SLC35F1: variants seen among roughly 807,000 people sequenced by gnomAD.
SLC35F1 encodes the protein chromosome 6 open reading frame 169.
SLC35F1 carries 14 observed loss-of-function variants against 48.7 expected under a neutral mutation model. The observed-to-expected ratio is 0.29, with a 90% CI of 0.19 to 0.45. The LOEUF (loss-of-function observed/expected upper bound fraction) is 0.45. Among genes scored for constraint, SLC35F1 ranks in the 20% least tolerant of loss-of-function variants. The pLI is 1.00. For synonymous variants in SLC35F1, 190 were observed against 202.2 expected, an observed-to-expected ratio of 0.94 and a Z score of 0.51; for missense variants, 404 against 500.0, an observed-to-expected ratio of 0.81 and a Z score of 1.83.
chr6:117,992,640 A>G (rs1260547215), intron 1 of SLC35F1, among the ~76,000 whole-genome samples: 1 of 152,234 alleles, frequency 6.6e-6, no homozygotes, highest in Non-Finnish European at 1.5e-5. Flanking sequence ...GACATTAGAA[A>G]TACTTCCTAT....
In SLC35F1 at chr6:118,193,017, A is replaced by G. The variant is rs546284728; in HGVS notation, c.349+38397A>G. On this transcript the variant is annotated intron_variant, in intron 2 of 7. Coordinates refer to ENST00000360388, the MANE Select transcript of SLC35F1 (RefSeq NM_001029858.4). ...AAAAGGCAAAAACCTTTACTCATTG[A>G]TGGAGGGAAGACTTAGCTTTCCAAA... Among the ~76,000 whole-genome samples the G allele has an allele frequency of 2.8e-4, 43 of 152,302 alleles. No individual in the cohort carries two copies. The South Asian group carries it at 8.1e-3, about 29-fold the overall frequency.
chr6:118,095,186 A>G (rs1404425406), intron 1 of SLC35F1, among the ~76,000 whole-genome samples: 1 of 152,238 alleles, frequency 6.6e-6, no homozygotes, highest in East Asian at 1.9e-4. Flanking sequence ...GACAAAGGTC[A>G]TGGCTACACT....
chr6:118,000,588 G>T (rs1031898612), intron 1 of SLC35F1, among the ~76,000 whole-genome samples: 3 of 152,184 alleles, frequency 2.0e-5, no homozygotes, highest in Non-Finnish European at 4.4e-5. Context: ...AGTGTTGGAA[G>T]TTCTGTCCAG....
rs113954917 is a variant in SLC35F1, at chr6:118,231,813, C to T, written c.350-3696C>T. ...GAGATGTGGCTGGTGCGCTCTGAGT[C>T]TGGCAATTCTGTGTTCACTGTGTAA... On this transcript the variant is annotated intron_variant, in intron 2 of 7. Coordinates refer to ENST00000360388, the MANE Select transcript of SLC35F1 (RefSeq NM_001029858.4). Among the ~76,000 whole-genome samples, 1,416 of 152,268 alleles carry T rather than the reference C, an allele frequency of 9.3e-3. 19 individuals are homozygous for T. Among genetic ancestry groups the T allele is most frequent in the African/African-American group, 0.032 (1,344 of 41,536 alleles).
At chr6:118,073,628 C>T (rs145115271) in intron 1 of SLC35F1, among the ~76,000 whole-genome samples, 18 of 152,236 alleles carry the variant, frequency 1.2e-4, no homozygotes, top group African/African-American at 4.3e-4. Context: ...ATTTAGTTAT[C>T]TAACCCAAAA....
intron 1 of SLC35F1, among the ~76,000 whole-genome samples, chr6:118,030,118 A>C (rs1772023553): frequency 6.6e-6 from 1 of 152,228 alleles, no homozygotes. Context: ...GCGAGGAAGC[A>C]AACAATGCTT....
At chr6:118,212,490 G>T (rs775267780) in intron 2 of SLC35F1, among the ~76,000 whole-genome samples, 3 of 152,018 alleles carry the variant, frequency 2.0e-5, no homozygotes, top group African/African-American at 4.8e-5. Context: ...AGGACTTGAA[G>T]ACCACCCTGG....
intron 2 of SLC35F1, among the ~76,000 whole-genome samples, chr6:118,198,815 C>T (rs1264261602): frequency 1.3e-5 from 2 of 152,202 alleles, no homozygotes; most frequent in Non-Finnish European, 2.9e-5. Context: ...CAGGGGAGGA[C>T]TCTAAACACC....
At chr6:118,033,815 A>G (rs1194864942) in intron 1 of SLC35F1, among the ~76,000 whole-genome samples, 1 of 152,180 alleles carries the variant, frequency 6.6e-6, no homozygotes, top group Non-Finnish European at 1.5e-5. Context: ...GGAGTGATTG[A>G]TTTACTCAGT....
intron 4 of SLC35F1, among the ~76,000 whole-genome samples, chr6:118,274,913 A>G (rs2114630028): frequency 6.6e-6 from 1 of 152,326 alleles, no homozygotes; most frequent in South Asian, 2.1e-4. Flanking sequence ...CCTGAATAGC[A>G]GAGGGTGGAA....
At chr6:118,034,008 G>A (rs898389606) in intron 1 of SLC35F1, among the ~76,000 whole-genome samples, 1 of 152,148 alleles carries the variant, frequency 6.6e-6, no homozygotes, top group Admixed American at 6.5e-5. Context: ...GAGGGAAGAG[G>A]TCAGAATGGC....
intron 7 of SLC35F1, among the ~76,000 whole-genome samples, chr6:118,305,949 C>G (rs941726189): frequency 6.6e-6 from 1 of 152,124 alleles, no homozygotes; most frequent in Admixed American, 6.6e-5. Context: ...ACTAATAGTA[C>G]TGCCTGGATT....
intron 1 of SLC35F1, among the ~76,000 whole-genome samples, chr6:118,127,347 G>C (rs981803657): frequency 6.6e-6 from 1 of 152,102 alleles, no homozygotes; most frequent in Admixed American, 6.5e-5. Flanking sequence ...AATCATGGTG[G>C]ATAAGCTTTT....
intron 1 of SLC35F1, among the ~76,000 whole-genome samples, chr6:117,923,791 G>GTATATA (rs1562239053): frequency 4.2e-4 from 30 of 71,054 alleles, no homozygotes; most frequent in African/African-American, 1.9e-3. Context: ...ATACATATAT[G>GTATATA]TACATATATA....
At chr6:118,199,596 A>G (rs1419646396) in intron 2 of SLC35F1, among the ~76,000 whole-genome samples, 1 of 152,242 alleles carries the variant, frequency 6.6e-6, no homozygotes, top group Non-Finnish European at 1.5e-5. Flanking sequence ...CAACCAGTTC[A>G]AAAATGACCT....
chr6:118,196,425 C>A (rs763554383), intron 2 of SLC35F1, among the ~76,000 whole-genome samples: 16 of 152,134 alleles, frequency 1.1e-4, no homozygotes, highest in South Asian at 2.1e-4. Flanking sequence ...GTGTGATATT[C>A]AAAAAATCAG....
intron 1 of SLC35F1, among the ~76,000 whole-genome samples, chr6:117,959,747 C>T (rs1457225982): frequency 2.6e-5 from 4 of 152,070 alleles, no homozygotes; most frequent in Non-Finnish European, 2.9e-5. Flanking sequence ...GAAGTTTCGA[C>T]GTATAATACC....
chr6:117,927,517 G>T (rs1462805385), intron 1 of SLC35F1, among the ~76,000 whole-genome samples: 1 of 152,174 alleles, frequency 6.6e-6, no homozygotes, highest in Non-Finnish European at 1.5e-5. Context: ...GGGAGAGAAG[G>T]AGTCTTATCC....
chr6:118,039,118 G>A lies in SLC35F1; in HGVS notation c.174-115327G>A, dbSNP rs149881191. Among the ~76,000 whole-genome samples, 396 of 152,240 alleles carry A rather than the reference G, an allele frequency of 2.6e-3. 1 individual carries two copies. The highest frequency in any genetic ancestry group is 9.1e-3 in the African/African-American group (380 of 41,552). ...TTATTTTGCCTTTATTACAGAATAA[G>A]TTTTTGGGATGTAGAATTTTGTTTC... On this transcript the variant is annotated intron_variant, in intron 1 of 7. Coordinates refer to ENST00000360388, the MANE Select transcript of SLC35F1 (RefSeq NM_001029858.4).
Sources: allele counts gnomAD v4.1 joint callset (sites outside exome capture counted in the v4.1 genomes callset), GRCh38; gene constraint gnomAD v4.1.1; transcripts MANE v1.5; gene names NCBI Gene and HGNC (gene_info 2026-07-23, HGNC 2026-07-21).